The following MYL6B variants were observed in gnomAD, a reference collection of about 807,000 sequenced individuals.
The protein encoded by MYL6B is myosin alkali light chain 1 slow a.
MYL6B carries 19 observed loss-of-function variants against 24.5 expected under a neutral mutation model. That is an observed-to-expected ratio of 0.78 (90% CI 0.54 to 1.14). The LOEUF is 1.14. Ranked by LOEUF, MYL6B falls within the 50% of genes most tolerant of loss-of-function variation. MYL6B has a pLI of 0.00. For synonymous variants in MYL6B, 90 were observed against 100.7 expected, an observed-to-expected ratio of 0.89 and a Z score of 0.64; for missense variants, 230 against 263.8, an observed-to-expected ratio of 0.87 and a Z score of 0.89.
chr12:56,153,875 A>G lies in MYL6B; in HGVS notation c.-44A>G. ...AGACTCCCTGGCTATTTAAACAGAG[A>G]TGGGTGCCCCCATCCGCACACTGTC... is the stretch of plus-strand genomic sequence containing the variant. On this transcript the variant is annotated splice_region_variant and 5_prime_UTR_variant, in exon 2 of 7. An upstream start codon of the reference 5' UTR is lost. Coordinates refer to ENST00000553066, the Ensembl canonical transcript of MYL6B. 6.5e-7 allele frequency: 1 copy of G among 1,546,080 alleles called. No homozygotes were observed. Among genetic ancestry groups the G allele is most frequent in the Non-Finnish European group, 8.7e-7 (1 of 1,142,862 alleles).
In MYL6B at chr12:56,155,390, C is replaced by A. The variant is rs190944830; in HGVS notation, c.347-29C>A. 3 of 1,613,998 alleles carry A rather than the reference C, an allele frequency of 1.9e-6. No individual in the cohort carries two copies. In the Admixed American group the frequency reaches 5.0e-5, roughly 27 times the overall value. On this transcript the variant is annotated intron_variant, in intron 4 of 6. Transcript: ENST00000553066. ...TGGGTCCTATGTAATACTACAATGA[C>A]CTCTCCTTTACCTCTCTCCAACCTC...
intron 4 of MYL6B, 57 bp from the exon 5 acceptor site, chr12:56,155,362 A>G: frequency 1.9e-6 from 3 of 1,611,072 alleles, no homozygotes; most frequent in Non-Finnish European, 2.5e-6. Context: ...TAGGGTTGGG[A>G]GCTGGGTCCT....
chr12:56,156,320 A>C (rs1162438620), intron 5 of MYL6B: 4 of 145,620 alleles, frequency 2.7e-5, no homozygotes, highest in African/African-American at 1.0e-4. Flanking sequence ...AAAAAAAAAA[A>C]AAGGCCAGAC....
chr12:56,156,309 A>G (rs897194330), intron 5 of MYL6B: 2 of 145,148 alleles, frequency 1.4e-5, no homozygotes, highest in African/African-American at 5.1e-5. Flanking sequence ...TTCTGTCTCA[A>G]AAAAAAAAAA....
chr12:56,155,681 C>T, intron 5 of MYL6B, 89 bp downstream of exon 5: 3 of 1,597,076 alleles, frequency 1.9e-6, no homozygotes, highest in Non-Finnish European at 2.6e-6. Flanking sequence ...GCAGAGCTAG[C>T]AGGAGGCTTA....
Position 56,157,367 on chromosome 12 carries a change from C to T in MYL6B, c.521-101C>T, listed in dbSNP as rs568016843. The stretch of plus-strand genomic sequence containing the variant: ...CCGCTCCACTGCACTCCAGCCTGAG[C>T]GACAGGAGCGAAACTCCGTCTCAAA... On this transcript the variant is annotated intron_variant, in intron 5 of 6. Coordinates refer to ENST00000553066, the Ensembl canonical transcript of MYL6B. The T allele has an allele frequency of 2.6e-5, 29 of 1,124,034 alleles. No homozygotes were observed. The African/African-American group carries it at 4.2e-4, about 16-fold the overall frequency. The allele number at this position is 1,124,034 out of a possible 1,614,324, so 69.6% of individuals were successfully genotyped here.
At position 56,157,284 on chromosome 12, in the gene MYL6B, T is replaced by A. The variant is rs1396606954; in HGVS notation, c.521-184T>A. On this transcript the variant is annotated intron_variant, in intron 5 of 6. Transcript: ENST00000553066. Reference sequence around the variant, plus strand: ...CTGTAATCCCAGCTACTCGGGAGGGTGAGGCAGGAGAATCGCGTGAACACG... The same window carrying A: ...CTGTAATCCCAGCTACTCGGGAGGGAGAGGCAGGAGAATCGCGTGAACACG... 5.3e-6 allele frequency: 3 copies of A among 569,162 alleles called. No homozygotes were observed. The African/African-American group carries it at 5.7e-5, about 11-fold the overall frequency. The allele number at this position is 569,162 out of a possible 1,614,324, so 35.3% of individuals were successfully genotyped here. A position where few individuals can be genotyped will look rare whatever the true frequency, so the allele number is the denominator to read the frequency against.
At chr12:56,155,485 G>C (rs750221096) in exon 5 of MYL6B, 2 of 1,614,018 alleles carry the variant, frequency 1.2e-6, no homozygotes, top group South Asian at 1.1e-5. Flanking sequence ...GCCAAGAACC[G>C]AGGCCAAGGC....
At position 56,157,833 on chromosome 12, in the gene MYL6B, G is replaced by C. The variant is rs1871401621; in HGVS notation, c.*107G>C. On this transcript the variant is annotated 3_prime_UTR_variant, in exon 7 of 7. Transcript: ENST00000553066. ...AGCAGCGGAGTTCATTCTGCTGTCCGGTTGCTGCACGGGCTCCAGCGCTTC... is the reference window on the plus strand; with the variant it reads ...AGCAGCGGAGTTCATTCTGCTGTCCCGTTGCTGCACGGGCTCCAGCGCTTC... The C allele has an allele frequency of 7.2e-6, 10 of 1,388,642 alleles. No individual in the cohort carries two copies. The South Asian group carries it at 1.2e-4, about 17-fold the overall frequency. 86.0% of individuals were successfully genotyped at this position (1,388,642 alleles called of 1,614,324 possible). A position where few individuals can be genotyped will look rare whatever the true frequency, so the allele number is the denominator to read the frequency against.
exon 2 of MYL6B, chr12:56,153,996 A>G: frequency 6.2e-7 from 1 of 1,614,134 alleles, no homozygotes; most frequent in East Asian, 2.2e-5. Context: ...AGCCAGCAGC[A>G]GCAGGGGCTC....
chr12:56,157,638 A>G (rs1438225234), intron 6 of MYL6B, 60 bp from the exon 7 acceptor site: 1 of 1,613,090 alleles, frequency 6.2e-7, no homozygotes, highest in South Asian at 1.1e-5. Context: ...GATTACCTAG[A>G]GTCAGATGTA....
chr12:56,154,568 G>T (rs755825671), intron 2 of MYL6B, among the ~76,000 whole-genome samples: 2 of 152,218 alleles, frequency 1.3e-5, no homozygotes, highest in Non-Finnish European at 2.9e-5. Flanking sequence ...CAGGGCTCAG[G>T]GCAATGGAGG....
chr12:56,153,816 G>C, intron 1 of MYL6B, 57 bp from the exon 2 acceptor site: 1 of 1,248,620 alleles, frequency 8.0e-7, no homozygotes, highest in South Asian at 1.5e-5. Context: ...CAGCCAACTG[G>C]CTCCCTGCCC....
chr12:56,153,425 C>T (rs1272982852), intron 1 of MYL6B: 1 of 985,680 alleles, frequency 1.0e-6, no homozygotes, highest in East Asian at 1.1e-4. Context: ...AGTGGAGGGG[C>T]TGGGCAGATG....
chr12:56,154,874 T>G, intron 3 of MYL6B, 34 bp downstream of exon 3: 1 of 1,602,828 alleles, frequency 6.2e-7, no homozygotes, highest in Non-Finnish European at 8.5e-7. Context: ...CACTGTCCCA[T>G]CCCCAATCCC....
exon 2 of MYL6B, chr12:56,153,998 C>T: frequency 6.2e-7 from 1 of 1,614,110 alleles, no homozygotes; most frequent in Non-Finnish European, 8.5e-7. Context: ...CCAGCAGCAG[C>T]AGGGGCTCCT....
rs969670472 is a variant in MYL6B, at chr12:56,153,767, G to A, written c.-46-106G>A. Reference sequence around the variant, plus strand: ...AACCATAGGAGGCCAGGGGAGTGAGGGCAGGCGGTTATATCTCTCCTCTAC... The same window carrying A: ...AACCATAGGAGGCCAGGGGAGTGAGAGCAGGCGGTTATATCTCTCCTCTAC... On this transcript the variant is annotated intron_variant, in intron 1 of 6. Transcript: ENST00000553066. 2.9e-5 allele frequency: 22 copies of A among 760,748 alleles called. No homozygotes were observed. The African/African-American group carries it at 3.4e-4, about 12-fold the overall frequency. The allele number at this position is 760,748 out of a possible 1,614,324, so 47.1% of individuals were successfully genotyped here.
chr12:56,155,930 A>G (rs2136905497), intron 5 of MYL6B: 2 of 1,204,248 alleles, frequency 1.7e-6, no homozygotes, highest in Non-Finnish European at 2.1e-6. Context: ...CTAGGGTGAA[A>G]TGGAAAGCAA....
At chr12:56,156,006 C>T in intron 5 of MYL6B, 3 of 1,149,052 alleles carry the variant, frequency 2.6e-6, no homozygotes, top group Non-Finnish European at 3.2e-6. Flanking sequence ...AGAGGTACCA[C>T]TCTAAAGAGC....
Sources: allele counts gnomAD v4.1 joint callset (sites outside exome capture counted in the v4.1 genomes callset), GRCh38; gene constraint gnomAD v4.1.1; transcripts MANE v1.5; gene names NCBI Gene and HGNC (gene_info 2026-07-23, HGNC 2026-07-21).